Variants in ADAM12 observed in about 807,000 individuals in gnomAD.
ADAM12 encodes disintegrin and metalloproteinase domain-containing protein 12.
In ADAM12, 70 loss-of-function variants were observed where a neutral mutation model predicts 106.4. The observed-to-expected ratio is 0.66, with a 90% CI of 0.54 to 0.80. ADAM12 has a LOEUF of 0.80. ADAM12 is among the 30% of genes least tolerant of loss of function. The pLI is 0.00. For missense variants in ADAM12, 1,010 were observed against 1,171.9 expected, an observed-to-expected ratio of 0.86 and a Z score of 2.02; for synonymous variants, 420 against 433.5, an observed-to-expected ratio of 0.97 and a Z score of 0.39.
chr10:126,103,499 T>G (rs1955706403), intron 8 of ADAM12, among the ~76,000 whole-genome samples: 1 of 152,212 alleles, frequency 6.6e-6, no homozygotes, highest in African/African-American at 2.4e-5. Context: ...GAATTATTAT[T>G]ATTTCTATTT....
intron 8 of ADAM12, among the ~76,000 whole-genome samples, chr10:126,107,872 A>G (rs1232263864): frequency 6.6e-6 from 1 of 152,282 alleles, no homozygotes; most frequent in Middle Eastern, 3.4e-3. Flanking sequence ...GTCAGCAGCA[A>G]ATAGCCAACA....
chr10:126,322,438 G>A (rs965823405), intron 2 of ADAM12, among the ~76,000 whole-genome samples: 5 of 152,174 alleles, frequency 3.3e-5, no homozygotes, highest in East Asian at 1.9e-4. Flanking sequence ...CAGGGGCCAC[G>A]TGGCAATGCC....
intron 2 of ADAM12, among the ~76,000 whole-genome samples, chr10:126,324,840 G>A (rs930413688): frequency 2.0e-5 from 3 of 152,020 alleles, no homozygotes; most frequent in Non-Finnish European, 4.4e-5. Context: ...AATCTCAGGG[G>A]TCAAAGCAGA....
Position 126,049,103 on chromosome 10 carries a change from T to C in ADAM12, c.1917+150A>G. Reference sequence around the variant, plus strand: ...CTGCATTTTAATAGTCAGACCAGGATCTAGGATTTATTGACTTTTTCTTCT... The same window carrying C: ...CTGCATTTTAATAGTCAGACCAGGACCTAGGATTTATTGACTTTTTCTTCT... On this transcript the variant is annotated intron_variant, in intron 16 of 22. Transcript: ENST00000448723. The surrounding 1 kb of genome is among the most constrained non-coding windows in gnomAD (Gnocchi z 4.4). The C allele has an allele frequency of 9.6e-7, 1 of 1,044,570 alleles. No homozygotes were observed. The highest frequency in any genetic ancestry group is 1.4e-6 in the Non-Finnish European group (1 of 705,148). The allele number at this position is 1,044,570 out of a possible 1,614,324, so 64.7% of individuals were successfully genotyped here.
At chr10:126,218,246 T>C (rs1958025584) in intron 3 of ADAM12, among the ~76,000 whole-genome samples, 1 of 152,128 alleles carries the variant, frequency 6.6e-6, no homozygotes, top group Admixed American at 6.5e-5. Flanking sequence ...AGGGACACTA[T>C]AATACACGTG....
intron 6 of ADAM12, among the ~76,000 whole-genome samples, chr10:126,111,474 T>TA (rs1052139772): frequency 6.6e-6 from 1 of 152,132 alleles, no homozygotes. Flanking sequence ...AATTAATCAT[T>TA]AAAAAAATTT....
At chr10:126,132,596 G>A (rs1956328105) in intron 5 of ADAM12, among the ~76,000 whole-genome samples, 1 of 151,490 alleles carries the variant, frequency 6.6e-6, no homozygotes, top group African/African-American at 2.4e-5. Flanking sequence ...CACTAGAGGT[G>A]GGCACAGGGC....
intron 5 of ADAM12, among the ~76,000 whole-genome samples, chr10:126,132,525 C>A (rs1251581142): frequency 5.5e-4 from 10 of 18,134 alleles, no homozygotes; most frequent in African/African-American, 2.5e-3. Flanking sequence ...TGCATGAACA[C>A]CCCCCCCCCC....
intron 22 of ADAM12, among the ~76,000 whole-genome samples, chr10:126,017,565 C>G (rs926713890): frequency 6.6e-6 from 1 of 151,938 alleles, no homozygotes; most frequent in Non-Finnish European, 1.5e-5. Flanking sequence ...GTGAGCTACA[C>G]AAGAAATTTT....
chr10:126,282,510 A>G (rs907743039), intron 2 of ADAM12, among the ~76,000 whole-genome samples: 1 of 152,162 alleles, frequency 6.6e-6, no homozygotes, highest in Non-Finnish European at 1.5e-5. Flanking sequence ...ACATATTCCT[A>G]AGCAATACAC....
chr10:126,222,947 C>T (rs1958122904), intron 3 of ADAM12, among the ~76,000 whole-genome samples: 1 of 152,204 alleles, frequency 6.6e-6, no homozygotes, highest in East Asian at 1.9e-4. Context: ...TCCATTGTTT[C>T]ACACAGGGCC....
intron 3 of ADAM12, among the ~76,000 whole-genome samples, chr10:126,267,821 G>A (rs1170041095): frequency 1.3e-5 from 2 of 150,922 alleles, no homozygotes; most frequent in African/African-American, 2.5e-5. Flanking sequence ...GAGAGGTGGG[G>A]GGCGGTGGGG....
At chr10:126,068,114 C>T (rs1379848517) in intron 12 of ADAM12, among the ~76,000 whole-genome samples, 1 of 152,110 alleles carries the variant, frequency 6.6e-6, no homozygotes, top group Non-Finnish European at 1.5e-5. Flanking sequence ...AAACTGTCAA[C>T]CAGAAGTCAT....
intron 1 of ADAM12, among the ~76,000 whole-genome samples, chr10:126,346,653 G>A (rs1022986318): frequency 6.6e-6 from 1 of 152,162 alleles, no homozygotes; most frequent in Non-Finnish European, 1.5e-5. Context: ...TTGTGTGGAA[G>A]TCTAATTCTC....
intron 21 of ADAM12, among the ~76,000 whole-genome samples, chr10:126,027,224 C>T (rs1202005693): frequency 6.6e-6 from 1 of 152,112 alleles, no homozygotes; most frequent in Non-Finnish European, 1.5e-5. Context: ...GAAATTGAGG[C>T]AGTAGTAAAT....
intron 5 of ADAM12, among the ~76,000 whole-genome samples, chr10:126,125,429 G>A (rs778221341): frequency 6.6e-6 from 1 of 151,794 alleles, no homozygotes; most frequent in Non-Finnish European, 1.5e-5. Context: ...ATTTTTAGTA[G>A]AGATGGGGTT....
At chr10:126,183,597 G>A (rs11244871) in intron 3 of ADAM12, among the ~76,000 whole-genome samples, 29,662 of 152,176 alleles carry the variant, frequency 0.19, 3,444 homozygotes, top group Middle Eastern at 0.27. Flanking sequence ...TCAACATGTC[G>A]TCCGCACTTC....
chr10:126,209,619 T>C (rs918507089), intron 3 of ADAM12, among the ~76,000 whole-genome samples: 1 of 152,216 alleles, frequency 6.6e-6, no homozygotes, highest in Admixed American at 6.5e-5. Context: ...GATCACATGA[T>C]GATTGAAATA....
intron 3 of ADAM12, among the ~76,000 whole-genome samples, chr10:126,262,039 C>T (rs11244918): frequency 0.2 from 29,686 of 152,042 alleles, 3,117 homozygotes; most frequent in African/African-American, 0.27. Context: ...GCAGTAGAAT[C>T]TTTGAAAAGT....
Sources: gnomAD v4.1 joint callset for allele counts (sites outside exome capture counted in the v4.1 genomes callset) on GRCh38, gnomAD v4.1.1 for gene constraint, Gnocchi (gnomAD v3.1) non-coding constraint, MANE v1.5 for transcripts, NCBI Gene and HGNC (gene_info 2026-07-23, HGNC 2026-07-21) for gene names.